Variants in ATP10B observed in about 807,000 individuals in gnomAD.
ATP10B encodes ATPase phospholipid transporting 10B (putative), also known as phospholipid-transporting ATPase VB.
A neutral mutation model predicts 141.2 loss-of-function variants in ATP10B; 122 were observed. That is an observed-to-expected ratio of 0.86 (90% confidence interval 0.75 to 1.00). ATP10B has a LOEUF of 1.00. ATP10B is among the 50% of genes least tolerant of loss of function. The pLI is 0.00. For missense variants in ATP10B, 1,876 were observed against 1,825.3 expected (o/e 1.03, Z -0.51); for synonymous variants, 685 against 692.0 (o/e 0.99, Z 0.16).
In ATP10B at chr5:160,849,602, G is replaced by A. The variant is rs957135514; in HGVS notation, c.-576+2339C>T. Among the ~76,000 whole-genome samples, 7 of 113,666 alleles carry A rather than the reference G, an allele frequency of 6.2e-5. No homozygotes were observed. The South Asian group carries it at 8.3e-4, about 13-fold the overall frequency. The allele number at this position is 113,666 out of a possible 152,430, so 74.6% of individuals were successfully genotyped here. A position where few individuals can be genotyped will look rare whatever the true frequency, so the allele number is the denominator to read the frequency against. Reference sequence around the variant, plus strand: ...AAGTGCCTTCTGTGGGCCAATTATTGAATTGTACTGGCAATTACACACACA... The same window carrying A: ...AAGTGCCTTCTGTGGGCCAATTATTAAATTGTACTGGCAATTACACACACA... On this transcript the variant is annotated intron_variant, in intron 1 of 25. Coordinates refer to ENST00000327245, the MANE Select transcript of ATP10B (RefSeq NM_025153.3).
chr5:160,774,127 T>A (rs1009030285), intron 2 of ATP10B, among the ~76,000 whole-genome samples: 1 of 152,156 alleles, frequency 6.6e-6, no homozygotes, highest in Non-Finnish European at 1.5e-5. Context: ...TCTGCTGTGG[T>A]TCATTAGAAG....
intron 2 of ATP10B, among the ~76,000 whole-genome samples, chr5:160,724,802 T>C (rs1476285889): frequency 6.6e-6 from 1 of 152,220 alleles, no homozygotes; most frequent in Non-Finnish European, 1.5e-5. Flanking sequence ...AATGAGAACT[T>C]CCTTGACCAT....
At chr5:160,797,767 C>T (rs1772057147) in intron 1 of ATP10B, among the ~76,000 whole-genome samples, 2 of 151,726 alleles carry the variant, frequency 1.3e-5, no homozygotes, top group Admixed American at 6.6e-5. Context: ...AGAGAGAAAG[C>T]ATTAACATGG....
the ATP10B span, among the ~76,000 whole-genome samples, chr5:160,870,025 A>G: frequency 2.6e-5 from 4 of 152,178 alleles, no homozygotes; most frequent in African/African-American, 7.2e-5. Context: ...AGGTTAGCCA[A>G]CCAGGGCCTA....
At chr5:160,884,464 ATTTTTC>A in the ATP10B span, among the ~76,000 whole-genome samples, 1 of 152,084 alleles carries the variant, frequency 6.6e-6, no homozygotes, top group Non-Finnish European at 1.5e-5. Flanking sequence ...TATAGTGATA[ATTTTTC>A]TTTTTAAGTT....
At position 160,564,013 on chromosome 5, in the gene ATP10B, G is replaced by T. The variant is rs1363130086; in HGVS notation, c.*1440C>A. The stretch of plus-strand genomic sequence containing the variant: ...CAGGTTTGCCAGGAAGATGGTCAGA[G>T]GGCCAGCTCCCTGTGTCATTTGCCA... On this transcript the variant is annotated 3_prime_UTR_variant, in exon 26 of 26. Coordinates refer to ENST00000327245, the MANE Select transcript of ATP10B (RefSeq NM_025153.3). 6.6e-6 allele frequency: 1 copy of T among 152,228 alleles called. No individual in the cohort carries two copies. Among genetic ancestry groups the T allele is most frequent in the African/African-American group, 2.4e-5 (1 of 41,438 alleles). The allele number at this position is 152,228 out of a possible 1,614,324, so 9.4% of individuals were successfully genotyped here.
intron 19 of ATP10B, among the ~76,000 whole-genome samples, chr5:160,606,004 A>C (rs1383152816): frequency 6.6e-6 from 1 of 152,254 alleles, no homozygotes; most frequent in Non-Finnish European, 1.5e-5. Flanking sequence ...GCAAAGGCCC[A>C]GAAGTGAGAG....
chr5:160,777,090 A>G (rs1770387030), intron 2 of ATP10B, among the ~76,000 whole-genome samples: 1 of 152,176 alleles, frequency 6.6e-6, no homozygotes, highest in South Asian at 2.1e-4. Flanking sequence ...GAGGGATAGG[A>G]TCTTTGAGGT....
chr5:160,828,769 G>A (rs1445998447), intron 1 of ATP10B, among the ~76,000 whole-genome samples: 2 of 151,660 alleles, frequency 1.3e-5, no homozygotes, highest in African/African-American at 2.4e-5. Context: ...TATGTTTATT[G>A]CGGCACTATT....
At chr5:160,699,807 T>C (rs1037348550) in intron 3 of ATP10B, among the ~76,000 whole-genome samples, 2 of 151,798 alleles carry the variant, frequency 1.3e-5, no homozygotes, top group Non-Finnish European at 2.9e-5. Context: ...GAAATAGAGA[T>C]AAGATGGTAG....
chr5:160,652,034 C>T (rs559413640), intron 7 of ATP10B, among the ~76,000 whole-genome samples: 39 of 152,094 alleles, frequency 2.6e-4, no homozygotes, highest in African/African-American at 3.6e-4. Flanking sequence ...TGTAATGCCT[C>T]GGAGTCCCTG....
chr5:160,602,851 A>C, intron 20 of ATP10B, 149 bp from the exon 21 acceptor site: 10 of 967,922 alleles, frequency 1.0e-5, no homozygotes, highest in Non-Finnish European at 1.3e-5. Flanking sequence ...AGCTTTTTGG[A>C]TTCTGACACC....
At chr5:160,870,277 C>T in the ATP10B span, among the ~76,000 whole-genome samples, 1 of 152,206 alleles carries the variant, frequency 6.6e-6, no homozygotes, top group South Asian at 2.1e-4. Context: ...TCTCCTCTTC[C>T]CATACCTTGC....
the ATP10B span, among the ~76,000 whole-genome samples, chr5:160,919,939 CA>C: frequency 7.2e-5 from 11 of 152,196 alleles, no homozygotes; most frequent in Non-Finnish European, 1.5e-4. Flanking sequence ...AGAAATGTGT[CA>C]GATAATTTGG....
chr5:160,599,583 G>C (rs1369991068), intron 21 of ATP10B, among the ~76,000 whole-genome samples: 10 of 152,186 alleles, frequency 6.6e-5, no homozygotes, highest in Non-Finnish European at 1.2e-4. Flanking sequence ...ACTGACAAAG[G>C]GGTAATAGAA....
chr5:160,833,864 C>G (rs1315627133), intron 1 of ATP10B, among the ~76,000 whole-genome samples: 2 of 152,006 alleles, frequency 1.3e-5, no homozygotes, highest in Non-Finnish European at 2.9e-5. Flanking sequence ...TGTTTTCATG[C>G]AAAATAGTTA....
intron 1 of ATP10B, among the ~76,000 whole-genome samples, chr5:160,790,269 T>C (rs560890531): frequency 6.6e-6 from 1 of 152,308 alleles, no homozygotes; most frequent in East Asian, 1.9e-4. Context: ...AATTGCAACT[T>C]GAAAAAAGTT....
intron 6 of ATP10B, among the ~76,000 whole-genome samples, chr5:160,676,890 C>T (rs1162882055): frequency 6.6e-6 from 1 of 152,140 alleles, no homozygotes; most frequent in African/African-American, 2.4e-5. Context: ...AGAAAGTTAT[C>T]TAACTTGCAT....
rs538451304 is a variant in ATP10B, at chr5:160,778,083, G to A, written c.-331+7476C>T. Among the ~76,000 whole-genome samples, 3 of 152,318 alleles carry A rather than the reference G, an allele frequency of 2.0e-5. No individual in the cohort carries two copies. In the East Asian group the frequency reaches 5.8e-4, roughly 29 times the overall value. On this transcript the variant is annotated intron_variant, in intron 2 of 25. Transcript: ENST00000327245. ...TTTAGGGGAGAAAAGTAGAGGGGCT[G>A]TAGACAGTCTCTACAGAAAGCTTAA...
Sources: allele counts gnomAD v4.1 joint callset (sites outside exome capture counted in the v4.1 genomes callset), GRCh38; gene constraint gnomAD v4.1.1; transcripts MANE v1.5; gene names NCBI Gene and HGNC (gene_info 2026-07-23, HGNC 2026-07-21).